Variants in ROCK1 observed in about 807,000 individuals in gnomAD.
The protein encoded by ROCK1 is Rho associated coiled-coil containing protein kinase 1.
A neutral mutation model predicts 196.8 loss-of-function variants in ROCK1; 36 were observed. The observed-to-expected ratio is 0.18, with a 90% CI of 0.14 to 0.24. The LOEUF (loss-of-function observed/expected upper bound fraction) is 0.24. ROCK1 is among the 10% of genes least tolerant of loss of function. ROCK1 has a pLI of 1.00. For synonymous variants in ROCK1, 443 were observed against 515.9 expected, an observed-to-expected ratio of 0.86 and a Z score of 1.91; for missense variants, 920 against 1,562.0, an observed-to-expected ratio of 0.59 and a Z score of 6.93.
chr18:21,039,425 C>T (rs780781546), intron 9 of ROCK1, 47 bp downstream of exon 9: 8 of 1,362,516 alleles, frequency 5.9e-6, no homozygotes, highest in Non-Finnish European at 8.3e-6. Flanking sequence ...ACTACCACAA[C>T]TACTTTCAAA....
intron 5 of ROCK1, among the ~76,000 whole-genome samples, chr18:21,044,713 G>A (rs1568393179): frequency 2.0e-5 from 3 of 152,130 alleles, no homozygotes; most frequent in South Asian, 4.2e-4. Context: ...TTTAACTCCT[G>A]GCACATACCT....
At chr18:20,958,565 T>C (rs998157034) in intron 29 of ROCK1, among the ~76,000 whole-genome samples, 2 of 151,796 alleles carry the variant, frequency 1.3e-5, no homozygotes, top group Non-Finnish European at 2.9e-5. Context: ...TGACCTATCA[T>C]TACAAAAGAA....
chr18:21,089,267 C>T lies in ROCK1; in HGVS notation c.94-18654G>A, dbSNP rs1385899463. Among the ~76,000 whole-genome samples, 213 of 152,272 alleles carry T rather than the reference C, an allele frequency of 1.4e-3. 2 individuals are homozygous for T. The highest frequency in any genetic ancestry group is 3.8e-4 in the Non-Finnish European group (26 of 68,032). ...TAGAGACGGGGTTTCACCATGTTGG[C>T]CAGACTGGTCTTGAACTCCTGGCCT... On this transcript the variant is annotated intron_variant, in intron 1 of 32. Transcript: ENST00000399799.
At chr18:20,990,693 CAAAAAAAAAAAAAAA>C (rs1170099682) in intron 18 of ROCK1, among the ~76,000 whole-genome samples, 3 of 22,584 alleles carry the variant, frequency 1.3e-4, no homozygotes, top group East Asian at 1.4e-3. Context: ...AACTTCGTCT[CAAAAAAAAAAAAAAA>C]AAAAAAAAAA....
Position 21,042,743 on chromosome 18 carries a change from G to A in ROCK1, c.676-34C>T, listed in dbSNP as rs759272629. 5.1e-6 allele frequency: 8 copies of A among 1,566,644 alleles called. No individual in the cohort carries two copies. In the South Asian group the frequency reaches 6.0e-5, roughly 12 times the overall value. On this transcript the variant is annotated intron_variant, in intron 6 of 32. Transcript: ENST00000399799. The stretch of plus-strand genomic sequence containing the variant: ...CGCGGCAGGTCAAATTTTGAATTAG[G>A]ATATAAAGTCTCAATTATTTAAAAT...
chr18:21,058,024 A>G (rs1229528244), intron 2 of ROCK1, among the ~76,000 whole-genome samples: 1 of 152,160 alleles, frequency 6.6e-6, no homozygotes, highest in East Asian at 1.9e-4. Flanking sequence ...TTGAATATTT[A>G]ATTACATAGA....
intron 5 of ROCK1, among the ~76,000 whole-genome samples, chr18:21,044,472 G>C (rs2036137835): frequency 6.6e-6 from 1 of 151,958 alleles, no homozygotes; most frequent in African/African-American, 2.4e-5. Context: ...ACAACACTCA[G>C]ACATAAAAGG....
At chr18:21,033,365 A>T (rs999351539) in intron 9 of ROCK1, among the ~76,000 whole-genome samples, 1 of 152,180 alleles carries the variant, frequency 6.6e-6, no homozygotes, top group African/African-American at 2.4e-5. Flanking sequence ...TGAAAATCCC[A>T]CAGCTAACAT....
At position 20,987,089 on chromosome 18, in the gene ROCK1, T is replaced by G; in HGVS notation, c.2165A>C (p.Glu722Ala). Residue 722 changes from glutamate (E) to alanine (A), a missense_variant, in exon 19 of 33, where the codon GAA (glutamate) becomes GCA (alanine). Around this residue, in one of 6 missense-constraint regions of ROCK1, gnomAD observed 520 missense variants for 657.1 expected, o/e 0.79. Coordinates refer to ENST00000399799, the MANE Select transcript of ROCK1 (RefSeq NM_005406.3). ...AMCEMEKKLK[E>A]EREAREKAEN... ...AGCCTTCTCTCGAGCTTCTCTTTCT[T>G]CTTTCAGCTTTTTTTCCATCTCTGG... 1 of 1,611,746 alleles carries G rather than the reference T, an allele frequency of 6.2e-7. No homozygotes were observed. The highest frequency in any genetic ancestry group is 8.5e-7 in the Non-Finnish European group (1 of 1,179,568).
intron 2 of ROCK1, among the ~76,000 whole-genome samples, chr18:21,056,099 C>G (rs1391045354): frequency 1.3e-5 from 2 of 152,134 alleles, no homozygotes; most frequent in Admixed American, 1.3e-4. Context: ...CTCCCCTTCT[C>G]TCAGATTTCT....
intron 9 of ROCK1, among the ~76,000 whole-genome samples, chr18:21,035,837 G>A (rs1303438625): frequency 6.6e-6 from 1 of 152,262 alleles, no homozygotes; most frequent in East Asian, 1.9e-4. Flanking sequence ...AAATATTATA[G>A]TAATCTACTT....
rs59587626 is a variant in ROCK1 at position 21,009,166 on chromosome 18, CTT to C, written c.1411-974_1411-973del. Among the ~76,000 whole-genome samples, 1,060 of 121,962 alleles carry C rather than the reference CTT, an allele frequency of 8.7e-3. 6 individuals carry two copies. Among genetic ancestry groups the C allele is most frequent in the African/African-American group, 0.031 (1,014 of 32,802 alleles). The allele number at this position is 121,962 out of a possible 152,430, so 80.0% of individuals were successfully genotyped here. On this transcript the variant is annotated intron_variant, in intron 13 of 32. Transcript: ENST00000399799. Reference sequence around the variant, plus strand: ...GCAATATATGACTTTTTGAGACAGGCTTTTTTTTTTTTTTTTTTTTGTATTTT... The same window carrying C: ...GCAATATATGACTTTTTGAGACAGGCTTTTTTTTTTTTTTTTTTGTATTTT...
intron 2 of ROCK1, among the ~76,000 whole-genome samples, chr18:21,059,747 T>C (rs149671984): frequency 7.4e-4 from 113 of 152,314 alleles, no homozygotes; most frequent in African/African-American, 2.3e-3. Flanking sequence ...CAAATGTTCA[T>C]AGCAGCATTA....
chr18:20,971,307 C>CACAT (rs1190123220), intron 22 of ROCK1, among the ~76,000 whole-genome samples: 83 of 20,638 alleles, frequency 4.0e-3, no homozygotes, highest in Middle Eastern at 0.045. Context: ...AGTAAACATA[C>CACAT]ACACACACAC....
At chr18:20,974,888 A>G (rs1364855213) in intron 22 of ROCK1, among the ~76,000 whole-genome samples, 6 of 152,162 alleles carry the variant, frequency 3.9e-5, no homozygotes, top group Non-Finnish European at 7.4e-5. Flanking sequence ...AGTTTACACT[A>G]CTGTTAAAAA....
chr18:21,003,623 T>C (rs1476119302), intron 16 of ROCK1, among the ~76,000 whole-genome samples: 2 of 152,152 alleles, frequency 1.3e-5, no homozygotes, highest in South Asian at 2.1e-4. Flanking sequence ...GTCAGAGGAT[T>C]GGGAAGGGGA....
At chr18:21,094,748 CAAA>C (rs59412229) in intron 1 of ROCK1, among the ~76,000 whole-genome samples, 6 of 142,420 alleles carry the variant, frequency 4.2e-5, no homozygotes, top group Non-Finnish European at 4.6e-5. Context: ...GATCCTGTCT[CAAA>C]AAAAAAAAAA....
At chr18:20,973,925 C>T (rs1303597643) in intron 22 of ROCK1, among the ~76,000 whole-genome samples, 8 of 151,528 alleles carry the variant, frequency 5.3e-5, no homozygotes, top group African/African-American at 9.7e-5. Flanking sequence ...GGACTACAGG[C>T]GCCCGCCCGT....
At chr18:21,043,778 A>G (rs143946414) in intron 6 of ROCK1, among the ~76,000 whole-genome samples, 68 of 152,088 alleles carry the variant, frequency 4.5e-4, no homozygotes, top group African/African-American at 1.6e-3. Flanking sequence ...TAATTTTAAC[A>G]CTGGCATAAG....
Sources: gnomAD v4.1 joint callset for allele counts (sites outside exome capture counted in the v4.1 genomes callset) on GRCh38, gnomAD v4.1.1 for gene constraint, gnomAD v4.1.1 regional missense constraint, MANE v1.5 for transcripts, NCBI Gene and HGNC (gene_info 2026-07-23, HGNC 2026-07-21) for gene names.